The following VPS13B variants were observed in gnomAD, a reference collection of about 807,000 sequenced individuals.
The protein encoded by VPS13B is vacuolar protein sorting 13 homolog B, also known as intermembrane lipid transfer protein VPS13B.
In VPS13B, 285 loss-of-function variants were observed where a neutral mutation model predicts 426.4. The observed-to-expected ratio is 0.67, with a 90% confidence interval of 0.61 to 0.74. The LOEUF (loss-of-function observed/expected upper bound fraction) is 0.74. Among genes scored for constraint, VPS13B ranks in the 30% least tolerant of loss-of-function variants. The pLI is 0.00. For synonymous variants in VPS13B, 1,676 were observed against 1,676.4 expected (o/e 1.00, Z 0.01); for missense variants, 4,537 against 4,782.6 (o/e 0.95, Z 1.51).
intron 19 of VPS13B, among the ~76,000 whole-genome samples, chr8:99,345,726 G>A (rs974463411): frequency 2.6e-5 from 4 of 152,080 alleles, no homozygotes; most frequent in African/African-American, 9.7e-5. Context: ...AAATAATGAG[G>A]CAGGAGAAAA....
intron 3 of VPS13B, among the ~76,000 whole-genome samples, chr8:99,086,108 G>A (rs528295968): frequency 4.6e-5 from 7 of 152,294 alleles, no homozygotes; most frequent in African/African-American, 1.7e-4. Flanking sequence ...GTGAGACATA[G>A]ATTTGGTTTT....
In VPS13B at chr8:99,577,553, A is replaced by G; in HGVS notation, c.5140A>G (p.Ser1714Gly). Residue 1714 changes from serine (S) to glycine (G), a missense_variant, in exon 33 of 62, where the codon AGT becomes GGT. Physicochemically the swap from Ser to Gly is moderately conservative, Grantham distance 56 (BLOSUM62 0). This residue lies in a region of VPS13B where 4,311 missense variants were observed against 4,474.3 expected (regional missense o/e 0.96). Transcript: ENST00000357162. ...NITTNLDFFL[S>G]VAQVQLLHQL... ...AACCACAAACCTGGACTTCTTCCTA[A>G]GTGTGGCTCAAGTTCAACTCTTACA... 1 of 1,613,888 alleles carries G rather than the reference A, an allele frequency of 6.2e-7. No individual in the cohort carries two copies. Among genetic ancestry groups the G allele is most frequent in the Non-Finnish European group, 8.5e-7 (1 of 1,179,796 alleles).
At chr8:99,588,849 T>C (rs1157427837) in intron 33 of VPS13B, among the ~76,000 whole-genome samples, 1 of 151,828 alleles carries the variant, frequency 6.6e-6, no homozygotes, top group East Asian at 1.9e-4. Flanking sequence ...TCCAACACTA[T>C]GTTGAATAGG....
chr8:99,024,658 G>C (rs1273609107), intron 2 of VPS13B, among the ~76,000 whole-genome samples: 1 of 152,138 alleles, frequency 6.6e-6, no homozygotes, highest in Non-Finnish European at 1.5e-5. Context: ...CTCCTGGTCT[G>C]TATGTCTGTT....
chr8:99,166,068 C>T (rs1016446713), intron 15 of VPS13B, among the ~76,000 whole-genome samples: 1 of 152,200 alleles, frequency 6.6e-6, no homozygotes, highest in Non-Finnish European at 1.5e-5. Flanking sequence ...CAACGTCCGC[C>T]TCCCGGGTTC....
At chr8:99,515,117 T>TCA (rs1821987055) in intron 29 of VPS13B, among the ~76,000 whole-genome samples, 1 of 152,194 alleles carries the variant, frequency 6.6e-6, no homozygotes, top group Admixed American at 6.5e-5. Flanking sequence ...CTGATATGTT[T>TCA]GTGACAAAAA....
chr8:99,414,443 G>A (rs796490247), intron 21 of VPS13B, among the ~76,000 whole-genome samples: 25 of 152,212 alleles, frequency 1.6e-4, no homozygotes, highest in African/African-American at 5.5e-4. Flanking sequence ...TGTTATGTGT[G>A]AATTTGATCC....
At chr8:99,668,254 G>A (rs1392104593) in intron 35 of VPS13B, among the ~76,000 whole-genome samples, 2 of 151,672 alleles carry the variant, frequency 1.3e-5, no homozygotes, top group African/African-American at 4.8e-5. Context: ...TACTCAGAGA[G>A]CCGAGGTGGG....
chr8:99,159,984 A>G (rs536370374), intron 15 of VPS13B, among the ~76,000 whole-genome samples: 6 of 152,142 alleles, frequency 3.9e-5, no homozygotes, highest in East Asian at 1.9e-4. Flanking sequence ...TTTAAGGTAT[A>G]TAAGTTTTTT....
intron 21 of VPS13B, among the ~76,000 whole-genome samples, chr8:99,431,160 AT>A (rs1337221462): frequency 6.6e-6 from 1 of 152,194 alleles, no homozygotes; most frequent in African/African-American, 2.4e-5. Flanking sequence ...CCAAGAAAAG[AT>A]TTTATTGATG....
intron 3 of VPS13B, among the ~76,000 whole-genome samples, chr8:99,085,415 C>T (rs1009905936): frequency 2.0e-5 from 3 of 152,158 alleles, no homozygotes; most frequent in Admixed American, 6.6e-5. Context: ...TCCGATTTGC[C>T]AGTCTGTGTC....
intron 35 of VPS13B, among the ~76,000 whole-genome samples, chr8:99,695,243 GCACA>G (rs1157346098): frequency 6.7e-6 from 1 of 149,338 alleles, no homozygotes; most frequent in East Asian, 2.0e-4. Context: ...AAAGACACAT[GCACA>G]CGTATGTTTA....
At chr8:99,168,543 A>AACTGTATATTGTT in intron 15 of VPS13B, among the ~76,000 whole-genome samples, 2 of 152,216 alleles carry the variant, frequency 1.3e-5, no homozygotes, top group Admixed American at 1.3e-4. Flanking sequence ...TTGTTATAAT[A>AACTGTATATTGTT]ATAACTGTAA....
In VPS13B at chr8:99,240,313, A is replaced by G. The variant is rs141202533; in HGVS notation, c.2516-33885A>G. On this transcript the variant is annotated intron_variant, in intron 17 of 61. Transcript: ENST00000357162. ...TTTAGATGATTGTACAGTGATCATG[A>G]TCATGTCTTACATTTTTATATATTC... Among the ~76,000 whole-genome samples, 880 of 152,320 alleles carry G rather than the reference A, an allele frequency of 5.8e-3. 6 individuals are homozygous for G. Among genetic ancestry groups the G allele is most frequent in the African/African-American group, 0.018 (731 of 41,566 alleles).
chr8:99,626,722 T>C (rs1173372472), intron 33 of VPS13B, among the ~76,000 whole-genome samples: 1 of 152,206 alleles, frequency 6.6e-6, no homozygotes, highest in Non-Finnish European at 1.5e-5. Flanking sequence ...GAAAAAAGTA[T>C]GGAAGTTCCT....
At chr8:99,163,805 G>A (rs189101490) in intron 15 of VPS13B, among the ~76,000 whole-genome samples, 2,535 of 152,324 alleles carry the variant, frequency 0.017, 64 homozygotes, top group African/African-American at 0.058. Flanking sequence ...TGCAAGCTGA[G>A]GGAGTGGGCT....
intron 36 of VPS13B, among the ~76,000 whole-genome samples, chr8:99,711,313 A>G (rs1023279442): frequency 3.3e-5 from 5 of 152,316 alleles, no homozygotes; most frequent in South Asian, 2.1e-4. Flanking sequence ...GGTATATGGC[A>G]AGAAAGAAAA....
intron 33 of VPS13B, among the ~76,000 whole-genome samples, chr8:99,581,092 A>T (rs529130859): frequency 2.3e-4 from 35 of 151,136 alleles, no homozygotes; most frequent in Middle Eastern, 6.9e-3. Flanking sequence ...CTGAGGCAGG[A>T]GGATCACTTG....
chr8:99,831,453 T>C (rs1460419420), intron 51 of VPS13B, among the ~76,000 whole-genome samples: 2 of 152,214 alleles, frequency 1.3e-5, no homozygotes, highest in Non-Finnish European at 1.5e-5. Context: ...AACTGTCTTA[T>C]AGGAAAGTAT....
Sources: allele counts gnomAD v4.1 joint callset (sites outside exome capture counted in the v4.1 genomes callset), GRCh38; gene constraint gnomAD v4.1.1; regional missense constraint gnomAD v4.1.1; transcripts MANE v1.5; gene names NCBI Gene and HGNC (gene_info 2026-07-23, HGNC 2026-07-21).